Variants in RIF1 observed in about 807,000 individuals in gnomAD.
RIF1 encodes telomere-associated protein RIF1.
A neutral mutation model predicts 247.1 loss-of-function variants in RIF1; 45 were observed. The observed-to-expected ratio is 0.18, with a 90% CI of 0.14 to 0.23. The LOEUF (loss-of-function observed/expected upper bound fraction) is 0.23, where lower values mean the gene tolerates loss of function less well. RIF1 is among the 10% of genes least tolerant of loss of function. The pLI is 1.00. For synonymous variants in RIF1, 1,087 were observed against 978.8 expected (o/e 1.11, Z -2.06); for missense variants, 2,967 against 2,862.5 (o/e 1.04, Z -0.83).
At chr2:151,513,723 G>A in the RIF1 span, 9 of 1,423,894 alleles carry the variant, frequency 6.3e-6, no homozygotes, top group Non-Finnish European at 8.7e-6. Flanking sequence ...AAAAAAAAAG[G>A]TACCTAAATG....
intron 34 of RIF1, among the ~76,000 whole-genome samples, chr2:151,471,014 T>C (rs939594937): frequency 1.3e-5 from 2 of 152,088 alleles, no homozygotes; most frequent in Non-Finnish European, 2.9e-5. Context: ...CCCCATGATC[T>C]AATTTTGAAT....
At chr2:151,441,767 C>CT in intron 15 of RIF1, 138 bp from the exon 16 acceptor site, 1 of 456,952 alleles carries the variant, frequency 2.2e-6, no homozygotes. Flanking sequence ...TGTATTTGAT[C>CT]TTTTTTAACT....
At chr2:151,527,527 C>A in the RIF1 span, 1 of 1,613,406 alleles carries the variant, frequency 6.2e-7, no homozygotes, top group South Asian at 1.1e-5. Context: ...GAAGTCCGGT[C>A]GGTCAGGAGT....
chr2:151,473,088 A>AT (rs1055984414), intron 34 of RIF1, among the ~76,000 whole-genome samples: 21 of 152,170 alleles, frequency 1.4e-4, no homozygotes, highest in Admixed American at 1.2e-3. Context: ...TGTTTCCACC[A>AT]TTTGCTATTA....
the RIF1 span, chr2:151,524,703 G>C: frequency 6.9e-6 from 7 of 1,012,010 alleles, no homozygotes; most frequent in Admixed American, 1.7e-4. Context: ...ATCTCACTCT[G>C]TTGCCCAGGC....
Position 151,457,750 on chromosome 2 carries a change from G to A in RIF1, c.2653-11G>A, listed in dbSNP as rs368514707. On this transcript the variant is annotated splice_polypyrimidine_tract_variant and intron_variant, in intron 23 of 35. Transcript: ENST00000444746. ...GTATATGTTTTGCTTTTATTTTTTC[G>A]TTTTTCCTAGTTAGAAAAGCTACTG... The A allele has an allele frequency of 1.1e-4, 169 of 1,606,304 alleles. No homozygotes were observed. In the African/African-American group the frequency reaches 1.4e-3, roughly 13 times the overall value.
chr2:151,501,282 A>G (rs931937232), intron 11 of RIF1: 26 of 738,924 alleles, frequency 3.5e-5, no homozygotes, highest in Non-Finnish European at 5.3e-5. Flanking sequence ...ATGTGATTAA[A>G]AAAAGATTTT....
At chr2:151,422,865 A>T in intron 7 of RIF1, 85 bp from the exon 8 acceptor site, 1 of 738,686 alleles carries the variant, frequency 1.4e-6, no homozygotes, top group Non-Finnish European at 2.3e-6. Flanking sequence ...TGGTTGAATC[A>T]GTTTTTGAAA....
At chr2:151,529,757 G>A in the RIF1 span, among the ~76,000 whole-genome samples, 1 of 152,120 alleles carries the variant, frequency 6.6e-6, no homozygotes, top group Non-Finnish European at 1.5e-5. Flanking sequence ...TCGAACTCGT[G>A]ACCTCAGGTG....
rs2049119149 is a variant in RIF1 at position 151,480,443 on chromosome 2, C to T, written c.*5372C>T. Reference sequence around the variant, plus strand: ...ATGCATAGTACATTTAGTAGAGAGACAAGCTGTCCTATATACTCCTGTATA... The same window carrying T: ...ATGCATAGTACATTTAGTAGAGAGATAAGCTGTCCTATATACTCCTGTATA... On this transcript the variant is annotated 3_prime_UTR_variant, in exon 36 of 36. Transcript: ENST00000444746. The T allele has an allele frequency of 6.6e-6, 1 of 152,124 alleles. No homozygotes were observed. The highest frequency in any genetic ancestry group is 1.5e-5 in the Non-Finnish European group (1 of 67,996). 9.4% of individuals were successfully genotyped at this position (152,124 alleles called of 1,614,324 possible).
intron 20 of RIF1, among the ~76,000 whole-genome samples, chr2:151,450,239 CATTA>C (rs1694063148): frequency 6.6e-6 from 1 of 151,762 alleles, no homozygotes; most frequent in African/African-American, 2.4e-5. Context: ...GCTATTTTAT[CATTA>C]ATTTTTTATT....
At chr2:151,492,287 A>T (rs1204225196) in intron 9 of RIF1, 2 of 1,607,830 alleles carry the variant, frequency 1.2e-6, no homozygotes, top group Non-Finnish European at 1.7e-6. Context: ...TTCACCTGAA[A>T]TGTCATGAAT....
intron 10 of RIF1, among the ~76,000 whole-genome samples, chr2:151,498,574 G>T (rs939634169): frequency 6.6e-6 from 1 of 152,084 alleles, no homozygotes; most frequent in Non-Finnish European, 1.5e-5. Flanking sequence ...GAAAAGAAAG[G>T]TTGTTATTTT....
chr2:151,460,924 C>T (rs142258653), intron 26 of RIF1, among the ~76,000 whole-genome samples: 4 of 152,218 alleles, frequency 2.6e-5, no homozygotes, highest in Admixed American at 1.3e-4. Flanking sequence ...TTCCCTACTT[C>T]GTAAAGAGGT....
At chr2:151,531,308 CTTTTTTTT>C in the RIF1 span, among the ~76,000 whole-genome samples, 29 of 84,028 alleles carry the variant, frequency 3.5e-4, no homozygotes, top group Admixed American at 4.4e-3. Flanking sequence ...TTTTTTCTTT[CTTTTTTTT>C]TTTTTTTTTT....
At chr2:151,474,266 A>G (rs1465829420) in intron 35 of RIF1, among the ~76,000 whole-genome samples, 194 bp downstream of exon 35, 1 of 152,234 alleles carries the variant, frequency 6.6e-6, no homozygotes, top group Non-Finnish European at 1.5e-5. Context: ...TTCTCCATCA[A>G]GGTCTCAAGG....
At chr2:151,461,745 A>G (rs1696207320) in intron 27 of RIF1, among the ~76,000 whole-genome samples, 1 of 152,160 alleles carries the variant, frequency 6.6e-6, no homozygotes, top group African/African-American at 2.4e-5. Context: ...TGCATTTCAT[A>G]ATGTATAAAG....
chr2:151,499,320 T>C lies in RIF1; in HGVS notation c.*514-25T>C. On this transcript the variant is annotated intron_variant and NMD_transcript_variant, in intron 10 of 13. Transcript: ENST00000454583. ...TACCGAACTAAAGTTTTCTTGATTG[T>C]GTTTGACTCTCTCCATCTCTGGAGT... The C allele has an allele frequency of 1.3e-6, 2 of 1,531,738 alleles. No homozygotes were observed. The highest frequency in any genetic ancestry group is 1.8e-6 in the Non-Finnish European group (2 of 1,135,550). The allele number at this position is 1,531,738 out of a possible 1,614,324, so 94.9% of individuals were successfully genotyped here. A position where few individuals can be genotyped will look rare whatever the true frequency, so the allele number is the denominator to read the frequency against.
At chr2:151,487,846 G>A (rs898001946) in intron 9 of RIF1, among the ~76,000 whole-genome samples, 13 of 152,044 alleles carry the variant, frequency 8.6e-5, no homozygotes, top group African/African-American at 3.1e-4. Context: ...TAAACTCCTG[G>A]ACTCAAGCAG....
Sources: allele counts gnomAD v4.1 joint callset (sites outside exome capture counted in the v4.1 genomes callset), GRCh38; gene constraint gnomAD v4.1.1; transcripts MANE v1.5; gene names NCBI Gene and HGNC (gene_info 2026-07-23, HGNC 2026-07-21).